The following HDAC9 variants were observed in gnomAD, a reference collection of about 807,000 sequenced individuals.
HDAC9 encodes the protein histone deacetylase 9.
Under a neutral mutation model 139.4 loss-of-function variants are expected in HDAC9, and 41 were observed. The observed-to-expected ratio is 0.29, with a 90% CI of 0.23 to 0.38. HDAC9 has a LOEUF of 0.38. Ranked by LOEUF, HDAC9 falls within the 10% of genes least tolerant of loss-of-function variation. The pLI, the probability that HDAC9 is intolerant of heterozygous loss-of-function variation, is 1.00. For synonymous variants in HDAC9, 517 were observed against 476.2 expected, an observed-to-expected ratio of 1.09 and a Z score of -1.12; for missense variants, 1,147 against 1,297.0, an observed-to-expected ratio of 0.88 and a Z score of 1.78.
chr7:18,624,788 G>T (rs1043022933), intron 6 of HDAC9, among the ~76,000 whole-genome samples: 4 of 151,786 alleles, frequency 2.6e-5, no homozygotes, highest in Non-Finnish European at 4.4e-5. Flanking sequence ...GTGGGCTTCT[G>T]AAATGTTAGG....
chr7:18,412,202 T>C (rs1255854512), intron 1 of HDAC9, among the ~76,000 whole-genome samples: 1 of 152,162 alleles, frequency 6.6e-6, no homozygotes, highest in Non-Finnish European at 1.5e-5. Context: ...AGCATCTGTG[T>C]AGGTCTTTTA....
At position 18,596,700 on chromosome 7, in the gene HDAC9, C is replaced by T. The variant is rs556487323; in HGVS notation, c.664+2671C>T. Among the ~76,000 whole-genome samples the T allele has an allele frequency of 3.2e-4, 49 of 152,134 alleles. 1 individual carries two copies. Among genetic ancestry groups the T allele is most frequent in the Admixed American group, 2.0e-3 (30 of 15,260 alleles). ...CACCAGCCCAGCTACTGTAGAGTGA[C>T]GCTTTGTTATTAGAGCCAGATTCTA... On this transcript the variant is annotated intron_variant, in intron 6 of 25. Coordinates refer to ENST00000686413, the MANE Select transcript of HDAC9 (RefSeq NM_178425.4).
chr7:18,156,528 C>T (rs1346105988), intron 1 of HDAC9, among the ~76,000 whole-genome samples: 1 of 152,164 alleles, frequency 6.6e-6, no homozygotes, highest in Non-Finnish European at 1.5e-5. Flanking sequence ...ACTACAGAAT[C>T]ATTGGTCAAG....
intron 1 of HDAC9, among the ~76,000 whole-genome samples, chr7:18,381,183 A>T (rs1484540652): frequency 1.5e-5 from 2 of 130,294 alleles, no homozygotes; most frequent in Non-Finnish European, 3.2e-5. Context: ...TGGGTGACAG[A>T]GCAAGACTCT....
intron 17 of HDAC9, among the ~76,000 whole-genome samples, chr7:18,815,924 G>C (rs1484604251): frequency 6.6e-6 from 1 of 152,174 alleles, no homozygotes; most frequent in African/African-American, 2.4e-5. Flanking sequence ...TCCCTCAAAG[G>C]CTGCAGATTA....
intron 2 of HDAC9, among the ~76,000 whole-genome samples, chr7:18,224,017 C>T (rs1792885694): frequency 6.6e-6 from 1 of 152,116 alleles, no homozygotes; most frequent in Non-Finnish European, 1.5e-5. Flanking sequence ...AATAGTATGT[C>T]TTTTAATTAA....
In HDAC9 at chr7:18,604,554, G is replaced by A. The variant is rs533158625; in HGVS notation, c.664+10525G>A. ...CCCGAGAAGCTGGGACCACCACCAC[G>A]CCCAGCTAATTTTTTTTTTTAATTT... On this transcript the variant is annotated intron_variant, in intron 6 of 25. Transcript: ENST00000686413. 5.9e-5 allele frequency among the ~76,000 whole-genome samples: 9 copies of A among 151,528 alleles called. No individual in the cohort carries two copies. In the South Asian group the frequency reaches 8.4e-4, roughly 14 times the overall value.
intron 2 of HDAC9, among the ~76,000 whole-genome samples, chr7:18,556,219 T>C (rs998270741): frequency 6.6e-5 from 10 of 152,060 alleles, no homozygotes; most frequent in African/African-American, 2.4e-4. Flanking sequence ...GTTTATATTG[T>C]GTGTTTATGT....
chr7:18,742,410 A>G (rs148962229), intron 13 of HDAC9, among the ~76,000 whole-genome samples: 1 of 152,198 alleles, frequency 6.6e-6, no homozygotes, highest in African/African-American at 2.4e-5. Flanking sequence ...CAATAAATTA[A>G]TTTTTAATTA....
intron 1 of HDAC9, among the ~76,000 whole-genome samples, chr7:18,114,357 T>C (rs1274935638): frequency 6.6e-6 from 1 of 152,230 alleles, no homozygotes; most frequent in Non-Finnish European, 1.5e-5. Flanking sequence ...TTCCCACATC[T>C]ATATTGGGAG....
At chr7:18,862,284 G>GA (rs1431690017) in intron 21 of HDAC9, among the ~76,000 whole-genome samples, 1 of 151,886 alleles carries the variant, frequency 6.6e-6, no homozygotes, top group African/African-American at 2.4e-5. Flanking sequence ...TGTGAAGGGG[G>GA]AAAAAAGTGT....
At chr7:18,700,690 G>A (rs212670) in intron 12 of HDAC9, among the ~76,000 whole-genome samples, 2,476 of 152,232 alleles carry the variant, frequency 0.016, 77 homozygotes, top group African/African-American at 0.057. Context: ...CTAGGTCTAG[G>A]CTGGCCTTGC....
chr7:18,622,718 A>G (rs1045712359), intron 6 of HDAC9, among the ~76,000 whole-genome samples: 1 of 152,112 alleles, frequency 6.6e-6, no homozygotes, highest in African/African-American at 2.4e-5. Context: ...TATTAACACA[A>G]TGGAAAATTT....
chr7:18,090,072 T>G (rs1337110096), intron 1 of HDAC9, among the ~76,000 whole-genome samples: 1 of 152,232 alleles, frequency 6.6e-6, no homozygotes, highest in Non-Finnish European at 1.5e-5. Context: ...TTTGTTATTA[T>G]AATTCTTACA....
rs1562893155 is a variant in HDAC9 at position 18,732,869 on chromosome 7, ACACACACACGTGTGCG to A, written c.1909+5113_1909+5128del. 3.1e-5 allele frequency among the ~76,000 whole-genome samples: 3 copies of A among 96,546 alleles called. 1 individual carries two copies. The highest frequency in any genetic ancestry group is 1.4e-4 in the African/African-American group (3 of 20,934). 63.3% of individuals were successfully genotyped at this position (96,546 alleles called of 152,430 possible). On this transcript the variant is annotated intron_variant, in intron 13 of 25. Coordinates refer to ENST00000686413, the MANE Select transcript of HDAC9 (RefSeq NM_178425.4). ...CACGTGTGTATGTGTGCGTATGTGT[ACACACACACGTGTGCG>A]TATGTGTACACACACACGTGTGCGT...
chr7:18,812,397 TA>T (rs1180700290), intron 17 of HDAC9, among the ~76,000 whole-genome samples: 1 of 151,980 alleles, frequency 6.6e-6, no homozygotes, highest in African/African-American at 2.4e-5. Context: ...ATCTTTTGTT[TA>T]TAAGAAAATA....
intron 12 of HDAC9, among the ~76,000 whole-genome samples, chr7:18,689,910 A>G (rs1048336060): frequency 3.9e-5 from 6 of 152,038 alleles, no homozygotes; most frequent in African/African-American, 1.4e-4. Context: ...GCATATATCT[A>G]TAAGTCAGGA....
At chr7:18,512,096 C>G (rs554911000) in intron 2 of HDAC9, among the ~76,000 whole-genome samples, 4 of 149,648 alleles carry the variant, frequency 2.7e-5, no homozygotes, top group Admixed American at 6.6e-5. Context: ...AGCATAGAAA[C>G]TCTTATTAAA....
At chr7:18,111,696 T>A (rs1383010642) in intron 1 of HDAC9, among the ~76,000 whole-genome samples, 1 of 152,224 alleles carries the variant, frequency 6.6e-6, no homozygotes, top group Non-Finnish European at 1.5e-5. Context: ...TATTTATTTT[T>A]AAAAAATATT....
Sources: allele counts gnomAD v4.1 joint callset (sites outside exome capture counted in the v4.1 genomes callset), GRCh38; gene constraint gnomAD v4.1.1; transcripts MANE v1.5; gene names NCBI Gene and HGNC (gene_info 2026-07-23, HGNC 2026-07-21).